Variants in C3orf22 observed in about 807,000 individuals in gnomAD.
C3orf22 encodes uncharacterized protein C3orf22.
In C3orf22, 7 loss-of-function variants were observed where a neutral mutation model predicts 10.8. The ratio of observed to expected loss-of-function variants is 0.65; its 90% CI spans 0.37 to 1.22. The LOEUF (loss-of-function observed/expected upper bound fraction) is 1.22, where lower values mean the gene tolerates loss of function less well. Ranked by LOEUF, C3orf22 falls within the 50% of genes most tolerant of loss-of-function variation. The pLI, the probability that C3orf22 is intolerant of heterozygous loss-of-function variation, is 0.02. For missense variants in C3orf22, 173 were observed against 177.0 expected (o/e 0.98, Z 0.13); for synonymous variants, 79 against 78.9 (o/e 1.00, Z 0.00).
At chr3:126,533,755 T>A (rs1324008709) in intron 4 of C3orf22, among the ~76,000 whole-genome samples, 1 of 152,218 alleles carries the variant, frequency 6.6e-6, no homozygotes, top group Non-Finnish European at 1.5e-5. Context: ...TGGGAAGTGT[T>A]CTCTCCTCTT....
At chr3:126,537,250 C>T (rs1015669730) in intron 4 of C3orf22, among the ~76,000 whole-genome samples, 5 of 152,160 alleles carry the variant, frequency 3.3e-5, no homozygotes, top group African/African-American at 9.7e-5. Flanking sequence ...AAGGGCCAAG[C>T]GCCACAGGCA....
intron 4 of C3orf22, among the ~76,000 whole-genome samples, chr3:126,535,520 C>A (rs1176118751): frequency 6.6e-6 from 1 of 151,270 alleles, no homozygotes; most frequent in African/African-American, 2.4e-5. Context: ...TGTCCTCAGC[C>A]GGGAGACACA....
chr3:126,536,121 C>T, intron 4 of C3orf22: 1 of 625,468 alleles, frequency 1.6e-6, no homozygotes, highest in Admixed American at 2.7e-5. Context: ...CCATCCCCCA[C>T]TCCACCAAGC....
chr3:126,531,850 A>G (rs1237700015), intron 4 of C3orf22, among the ~76,000 whole-genome samples: 1 of 152,210 alleles, frequency 6.6e-6, no homozygotes, highest in African/African-American at 2.4e-5. Context: ...GTTGCATGGT[A>G]ATTCTAAGCT....
chr3:126,551,880 T>G, intron 3 of C3orf22, 117 bp downstream of exon 3: 1 of 1,178,174 alleles, frequency 8.5e-7, no homozygotes, highest in Non-Finnish European at 1.2e-6. Flanking sequence ...TTCCTCAGCT[T>G]TAAAGTGGCG....
Position 126,542,767 on chromosome 3 carries a change from C to T in C3orf22, c.286+6770G>A, listed in dbSNP as rs1936999775. 9.9e-6 allele frequency: 8 copies of T among 809,370 alleles called. No homozygotes were observed. The East Asian group carries it at 2.1e-4, about 21-fold the overall frequency. The allele number at this position is 809,370 out of a possible 1,614,324, so 50.1% of individuals were successfully genotyped here. On this transcript the variant is annotated intron_variant and NMD_transcript_variant, in intron 4 of 5. Coordinates refer to the C3orf22 transcript ENST00000505070. Reference sequence around the variant, plus strand: ...GCAGCCCATCTCAGGTGGCCCTGCACGCGTGTGCCTGCCTCGGCCTGTCGC... The same window carrying T: ...GCAGCCCATCTCAGGTGGCCCTGCATGCGTGTGCCTGCCTCGGCCTGTCGC...
downstream of C3orf22, among the ~76,000 whole-genome samples, chr3:126,549,237 T>G (rs1937122685): frequency 1.3e-5 from 1 of 77,944 alleles, no homozygotes; most frequent in South Asian, 5.0e-4. Context: ...GATTGCTGCC[T>G]GCTCCTCATC....
chr3:126,530,820 T>C (rs1936641582), intron 4 of C3orf22, among the ~76,000 whole-genome samples: 2 of 152,244 alleles, frequency 1.3e-5, no homozygotes, highest in African/African-American at 4.8e-5. Flanking sequence ...GGCTGGTCAG[T>C]GGCCTGGAGA....
At chr3:126,540,046 CAG>C (rs1241787335) in intron 4 of C3orf22, among the ~76,000 whole-genome samples, 3 of 149,274 alleles carry the variant, frequency 2.0e-5, no homozygotes, top group African/African-American at 7.4e-5. Context: ...ACACACCACA[CAG>C]AGACATCATG....
At chr3:126,552,763 GC>G (rs1337771014) in intron 2 of C3orf22, among the ~76,000 whole-genome samples, 1 of 152,202 alleles carries the variant, frequency 6.6e-6, no homozygotes, top group Non-Finnish European at 1.5e-5. Context: ...GCCAAGCTGA[GC>G]CCCAGTGCCA....
intron 2 of C3orf22, among the ~76,000 whole-genome samples, chr3:126,553,053 AAGCAGCTGGCC>A (rs1937236307): frequency 6.6e-6 from 1 of 152,182 alleles, no homozygotes; most frequent in Non-Finnish European, 1.5e-5. Context: ...TGACTTGGGG[AAGCAGCTGGCC>A]TGGGCTCTGG....
At chr3:126,528,552 G>A (rs1025273672) in intron 5 of C3orf22, among the ~76,000 whole-genome samples, 2 of 152,156 alleles carry the variant, frequency 1.3e-5, no homozygotes, top group African/African-American at 2.4e-5. Flanking sequence ...AGAAATAGGA[G>A]ATAGGTGAGG....
At chr3:126,551,912 A>G (rs1341353892) in intron 3 of C3orf22, 85 bp downstream of exon 3, 1 of 1,447,754 alleles carries the variant, frequency 6.9e-7, no homozygotes, top group African/African-American at 1.4e-5. Flanking sequence ...GATAACATGA[A>G]CGTCTGCATG....
At chr3:126,530,033 G>A (rs1460162891) in intron 4 of C3orf22, among the ~76,000 whole-genome samples, 1 of 152,216 alleles carries the variant, frequency 6.6e-6, no homozygotes, top group Non-Finnish European at 1.5e-5. Flanking sequence ...GGGGGTGGAT[G>A]CCCCAGTGTG....
Position 126,549,695 on chromosome 3 carries a change from G to A in C3orf22, c.*173C>T, listed in dbSNP as rs1937135652. 2.6e-6 allele frequency: 4 copies of A among 1,526,178 alleles called. No homozygotes were observed. Among genetic ancestry groups the A allele is most frequent in the Non-Finnish European group, 3.5e-6 (4 of 1,140,794 alleles). The allele number at this position is 1,526,178 out of a possible 1,614,324, so 94.5% of individuals were successfully genotyped here. A position where few individuals can be genotyped will look rare whatever the true frequency, so the allele number is the denominator to read the frequency against. ...AAGTGATCATTCCAGCTGGAAGTGGGGTGGGAACTCGCAGTTTATTAGCTT... is the reference window on the plus strand; with the variant it reads ...AAGTGATCATTCCAGCTGGAAGTGGAGTGGGAACTCGCAGTTTATTAGCTT... On this transcript the variant is annotated 3_prime_UTR_variant, in exon 4 of 4. Coordinates refer to ENST00000318225, the MANE Select transcript of C3orf22 (RefSeq NM_152533.3).
exon 6 of C3orf22, chr3:126,527,071 G>T (rs1394716564): frequency 6.6e-6 from 1 of 152,288 alleles, no homozygotes; most frequent in Non-Finnish European, 1.5e-5. Flanking sequence ...ACACCGGCGG[G>T]AGCAGTGTTG....
downstream of C3orf22, among the ~76,000 whole-genome samples, chr3:126,547,990 G>A (rs1937096858): frequency 1.3e-5 from 2 of 152,204 alleles, no homozygotes; most frequent in Admixed American, 6.5e-5. Context: ...AAAAGTTGCA[G>A]AGTTTGACAC....
At chr3:126,554,499 G>A (rs1937280661) in intron 1 of C3orf22, among the ~76,000 whole-genome samples, 1 of 152,076 alleles carries the variant, frequency 6.6e-6, no homozygotes, top group Non-Finnish European at 1.5e-5. Flanking sequence ...CCTGACCTCA[G>A]GTGATCCATC....
chr3:126,557,125 C>T (rs1182429056), intron 1 of C3orf22, among the ~76,000 whole-genome samples: 1 of 152,130 alleles, frequency 6.6e-6, no homozygotes, highest in Admixed American at 6.5e-5. Context: ...TACAGACACT[C>T]TTACAGACTC....
Sources: allele counts gnomAD v4.1 joint callset (sites outside exome capture counted in the v4.1 genomes callset), GRCh38; gene constraint gnomAD v4.1.1; transcripts MANE v1.5; gene names NCBI Gene and HGNC (gene_info 2026-07-23, HGNC 2026-07-21).